The following RAP1A variants were observed in gnomAD, a reference collection of about 807,000 sequenced individuals.
RAP1A encodes the protein ras-related protein Rap-1A.
RAP1A carries 6 observed loss-of-function variants against 26.4 expected under a neutral mutation model. The observed-to-expected ratio is 0.23, with a 90% confidence interval of 0.12 to 0.45. The LOEUF (loss-of-function observed/expected upper bound fraction) is 0.45, where lower values mean the gene tolerates loss of function less well. Among genes scored for constraint, RAP1A ranks in the 20% least tolerant of loss-of-function variants. The probability of loss-of-function intolerance (pLI) is 0.99; values close to 1 mark genes in which losing one functional copy is unlikely to be tolerated. For missense variants in RAP1A, 121 were observed against 217.2 expected (o/e 0.56, Z 2.78); for synonymous variants, 73 against 79.4 (o/e 0.92, Z 0.43).
rs545316193 is a variant in RAP1A, at chr1:111,594,728, C to T, written c.-28+52219C>T. On this transcript the variant is annotated intron_variant, in intron 1 of 7. Coordinates refer to the RAP1A transcript ENST00000356415. ...CTCTGCTCATTTAGTCTTCTGCTCA[C>T]CTGAGCCCACTGATGAATAAATGAA... Among the ~76,000 whole-genome samples, 100 of 152,210 alleles carry T rather than the reference C, an allele frequency of 6.6e-4. 1 individual carries two copies. The highest frequency in any genetic ancestry group is 2.3e-3 in the African/African-American group (97 of 41,534).
intron 4 of RAP1A, among the ~76,000 whole-genome samples, chr1:111,698,725 T>C (rs1661918025): frequency 6.6e-6 from 1 of 152,204 alleles, no homozygotes; most frequent in Non-Finnish European, 1.5e-5. Flanking sequence ...ACTGTATTTT[T>C]CCATTCTTTT....
At chr1:111,597,487 C>T (rs1193388818) in intron 1 of RAP1A, among the ~76,000 whole-genome samples, 1 of 152,176 alleles carries the variant, frequency 6.6e-6, no homozygotes, top group Non-Finnish European at 1.5e-5. Context: ...CCAGGAAAGT[C>T]CAGATCCCCA....
At chr1:111,629,813 A>G (rs1304011739) in intron 1 of RAP1A, among the ~76,000 whole-genome samples, 9 of 152,176 alleles carry the variant, frequency 5.9e-5, no homozygotes, top group Non-Finnish European at 1.3e-4. Flanking sequence ...TTCATTTGCT[A>G]AAGGGATCTC....
chr1:111,711,299 T>C (rs1267985335), intron 7 of RAP1A, among the ~76,000 whole-genome samples: 1 of 152,258 alleles, frequency 6.6e-6, no homozygotes, highest in Non-Finnish European at 1.5e-5. Context: ...ACTGGCTTAT[T>C]GACAGCTCAT....
At chr1:111,616,486 C>T (rs1461688399), upstream of RAP1A, among the ~76,000 whole-genome samples, 2 of 152,176 alleles carry the variant, frequency 1.3e-5, no homozygotes, top group East Asian at 3.9e-4. Flanking sequence ...GCCTTACTCA[C>T]CCTTCCCCAT....
chr1:111,573,971 T>C (rs1391746376), intron 1 of RAP1A, among the ~76,000 whole-genome samples: 2 of 152,216 alleles, frequency 1.3e-5, no homozygotes, highest in African/African-American at 4.8e-5. Context: ...TTAAATACCA[T>C]TTATCAATTT....
chr1:111,643,846 G>T (rs1659969967), intron 1 of RAP1A, among the ~76,000 whole-genome samples: 1 of 152,180 alleles, frequency 6.6e-6, no homozygotes, highest in Non-Finnish European at 1.5e-5. Context: ...TGTAAATAAA[G>T]ATACTTATTT....
intron 1 of RAP1A, chr1:111,648,914 T>A (rs1360517730): frequency 7.9e-6 from 6 of 764,050 alleles, no homozygotes; most frequent in Middle Eastern, 3.3e-4. Flanking sequence ...CTTGTAGGCC[T>A]TTTACTTCCC....
intron 1 of RAP1A, among the ~76,000 whole-genome samples, chr1:111,556,911 G>A (rs2789530): frequency 0.47 from 70,957 of 150,908 alleles, 17,012 homozygotes; most frequent in African/African-American, 0.58. Context: ...TTATATATAT[G>A]TATGTACATA....
intron 5 of RAP1A, among the ~76,000 whole-genome samples, chr1:111,704,062 C>T (rs971811530): frequency 1.3e-5 from 2 of 152,086 alleles, no homozygotes; most frequent in Admixed American, 6.5e-5. Flanking sequence ...CTCAGCCTCC[C>T]TGGGATTACA....
chr1:111,601,020 G>T (rs1045888380), intron 1 of RAP1A, among the ~76,000 whole-genome samples: 7 of 152,104 alleles, frequency 4.6e-5, no homozygotes, highest in Non-Finnish European at 8.8e-5. Flanking sequence ...AGAAGCTGAG[G>T]TTGCTGCATC....
intron 1 of RAP1A, among the ~76,000 whole-genome samples, chr1:111,669,719 T>C (rs1557885441): frequency 1.3e-5 from 2 of 152,172 alleles, no homozygotes; most frequent in African/African-American, 2.4e-5. Context: ...ATTTCAGATA[T>C]GAAGAAAAAT....
chr1:111,602,327 T>C (rs914717671), intron 1 of RAP1A: 1 of 152,248 alleles, frequency 6.6e-6, no homozygotes, highest in African/African-American at 2.4e-5. Context: ...TTTGGTCTCA[T>C]GGTTTCCTAA....
chr1:111,616,131 T>G (rs1344381472), upstream of RAP1A, among the ~76,000 whole-genome samples: 1 of 152,206 alleles, frequency 6.6e-6, no homozygotes, highest in Non-Finnish European at 1.5e-5. Flanking sequence ...GGTGTTTAGT[T>G]TCTGTCAAAT....
intron 1 of RAP1A, among the ~76,000 whole-genome samples, chr1:111,579,279 C>T (rs576686336): frequency 3.3e-5 from 5 of 152,236 alleles, no homozygotes; most frequent in African/African-American, 1.2e-4. Context: ...ACTAAGTCAC[C>T]TTATTAGTAT....
intron 1 of RAP1A, among the ~76,000 whole-genome samples, chr1:111,552,248 C>A (rs1657291636): frequency 6.6e-6 from 1 of 152,186 alleles, no homozygotes; most frequent in Admixed American, 6.5e-5. Context: ...TGACGACATT[C>A]ATTCTCCTTC....
chr1:111,639,023 A>G (rs555527028), intron 1 of RAP1A, among the ~76,000 whole-genome samples: 2 of 152,324 alleles, frequency 1.3e-5, no homozygotes, highest in South Asian at 2.1e-4. Flanking sequence ...CTTTCTGGGA[A>G]TACTTGGAAC....
chr1:111,663,917 TCTCTA>T (rs1465036349), intron 1 of RAP1A, among the ~76,000 whole-genome samples: 1 of 152,110 alleles, frequency 6.6e-6, no homozygotes, highest in Admixed American at 6.5e-5. Context: ...TGATCTTCCT[TCTCTA>T]GTTTTTCATT....
chr1:111,584,926 C>T (rs1006667531), intron 1 of RAP1A, among the ~76,000 whole-genome samples: 1 of 152,210 alleles, frequency 6.6e-6, no homozygotes, highest in Non-Finnish European at 1.5e-5. Flanking sequence ...CAGCTTTCCA[C>T]TGCAAAACTA....
Sources: gnomAD v4.1 joint callset for allele counts (sites outside exome capture counted in the v4.1 genomes callset) on GRCh38, gnomAD v4.1.1 for gene constraint, MANE v1.5 for transcripts, NCBI Gene and HGNC (gene_info 2026-07-23, HGNC 2026-07-21) for gene names.